MYO1C: variants seen among roughly 807,000 people sequenced by gnomAD.
MYO1C encodes the protein unconventional myosin-Ic.
A neutral mutation model predicts 150.8 loss-of-function variants in MYO1C; 104 were observed. The ratio of observed to expected loss-of-function variants is 0.69; its 90% CI spans 0.59 to 0.81. MYO1C has a LOEUF of 0.81. Ranked by LOEUF, MYO1C falls within the 30% of genes least tolerant of loss-of-function variation. The pLI is 0.00. For synonymous variants in MYO1C, 663 were observed against 579.9 expected (o/e 1.14, Z -2.06); for missense variants, 1,504 against 1,435.0 (o/e 1.05, Z -0.78).
chr17:1,483,100 A>G (rs369739553), intron 3 of MYO1C, 41 bp from the exon 4 acceptor site: 770 of 1,544,124 alleles, frequency 5.0e-4, no homozygotes, highest in Middle Eastern at 4.1e-3. Flanking sequence ...GAGGGGGGCC[A>G]AGCAGAGCCC....
At position 1,464,394 on chromosome 17, in the gene MYO1C, CAG is replaced by C. The variant is rs2074130747; in HGVS notation, c.*1330_*1331del. 1.3e-5 allele frequency: 2 copies of C among 152,770 alleles called. No homozygotes were observed. Among genetic ancestry groups the C allele is most frequent in the South Asian group, 4.1e-4 (2 of 4,830 alleles). 9.5% of individuals were successfully genotyped at this position (152,770 alleles called of 1,614,324 possible). A position where few individuals can be genotyped will look rare whatever the true frequency, so the allele number is the denominator to read the frequency against. On this transcript the variant is annotated 3_prime_UTR_variant, in exon 32 of 32. Coordinates refer to ENST00000648651, the MANE Select transcript of MYO1C (RefSeq NM_001080779.2). The stretch of plus-strand genomic sequence containing the variant: ...CCACGCTCCCATGCCAGGGAGGGGT[CAG>C]GGGCCAGAAAAGGCCCTACATCCTT...
chr17:1,489,693 AC>A (rs2074707467), intron 1 of MYO1C, among the ~76,000 whole-genome samples: 1 of 152,100 alleles, frequency 6.6e-6, no homozygotes. Context: ...AAACAAAGAA[AC>A]AAAGCAATAA....
At position 1,465,719 on chromosome 17, in the gene MYO1C, G is replaced by T. The variant is rs548792139; in HGVS notation, c.*7C>A. On this transcript the variant is annotated 3_prime_UTR_variant, in exon 32 of 32. Transcript: ENST00000648651. The stretch of plus-strand genomic sequence containing the variant: ...TGGGCGTTGGGAGGGTCCAGTGGGC[G>T]CCTTTATCACCGAGAATTCAGCCGT... 6 of 1,325,180 alleles carry T rather than the reference G, an allele frequency of 4.5e-6. No homozygotes were observed. In the African/African-American group the frequency reaches 7.5e-5, roughly 17 times the overall value. The allele number at this position is 1,325,180 out of a possible 1,614,324, so 82.1% of individuals were successfully genotyped here.
rs895460858 is a variant in MYO1C, at chr17:1,479,042, C to T, written c.1093-307G>A. 1.3e-5 allele frequency among the ~76,000 whole-genome samples: 2 copies of T among 152,134 alleles called. No individual in the cohort carries two copies. The highest frequency in any genetic ancestry group is 4.8e-5 in the African/African-American group (2 of 41,440). ...CTGCTTCTTTTTTTTGAGACAGAGTCTAGCTCTGTTGCCGTGATCTCGGCT... is the reference window on the plus strand; with the variant it reads ...CTGCTTCTTTTTTTTGAGACAGAGTTTAGCTCTGTTGCCGTGATCTCGGCT... On this transcript the variant is annotated intron_variant, in intron 9 of 31. Transcript: ENST00000648651. The surrounding 1 kb of genome is among the most constrained non-coding windows in gnomAD (Gnocchi z 4.2).
Position 1,477,827 on chromosome 17 carries a change from G to A in MYO1C, c.1482+64C>T, listed in dbSNP as rs556082986. 5.9e-5 allele frequency: 86 copies of A among 1,459,872 alleles called. No individual in the cohort carries two copies. In the Admixed American group the frequency reaches 7.0e-4, roughly 12 times the overall value. 90.4% of individuals were successfully genotyped at this position (1,459,872 alleles called of 1,614,324 possible). A position where few individuals can be genotyped will look rare whatever the true frequency, so the allele number is the denominator to read the frequency against. Reference sequence around the variant, plus strand: ...CTCCGTGGACCAGCCTGGAGAGAACGGAGAAGGGGGACATCCTCCCACCCA... The same window carrying A: ...CTCCGTGGACCAGCCTGGAGAGAACAGAGAAGGGGGACATCCTCCCACCCA... On this transcript the variant is annotated intron_variant, in intron 13 of 31. Transcript: ENST00000648651.
intron 30 of MYO1C, 48 bp downstream of exon 30, chr17:1,467,432 G>A (rs758449621): frequency 6.5e-5 from 104 of 1,601,546 alleles, no homozygotes; most frequent in Non-Finnish European, 8.7e-5. Flanking sequence ...TGCCCACACA[G>A]CCCCCTCGCC....
In MYO1C at chr17:1,467,559, T is replaced by C; in HGVS notation, c.2986A>G (p.Ser996Gly). ...GTCAGCGTCTCAATCACGTGGTCAC[T>C]CTGCAGCACCACATCTCCCTGGGGG... ...NKQKGDVVLQSDHVIETLTKT... is the reference protein window; with the variant it reads ...NKQKGDVVLQGDHVIETLTKT... The change falls in exon 30 of 32, where the codon AGT becomes GGT. Residue 996 changes from serine to glycine, a missense_variant. Coordinates refer to ENST00000648651, the MANE Select transcript of MYO1C (RefSeq NM_001080779.2). 1.2e-6 allele frequency: 2 copies of C among 1,613,316 alleles called. No homozygotes were observed. The highest frequency in any genetic ancestry group is 1.7e-6 in the Non-Finnish European group (2 of 1,179,898).
intron 25 of MYO1C, 31 bp downstream of exon 25, chr17:1,469,500 C>T (rs1343815776): frequency 2.6e-6 from 4 of 1,553,952 alleles, no homozygotes; most frequent in Admixed American, 1.8e-5. Flanking sequence ...GACTCCACTT[C>T]CTCATCCTCA....
chr17:1,467,647 A>G (rs1351720949), intron 29 of MYO1C, 70 bp from the exon 30 acceptor site: 2 of 661,860 alleles, frequency 3.0e-6, no homozygotes, highest in African/African-American at 1.0e-4. Flanking sequence ...CCACCTCCCC[A>G]TCCACCTCCT....
intron 14 of MYO1C, among the ~76,000 whole-genome samples, chr17:1,476,093 A>C (rs887343066): frequency 8.5e-5 from 13 of 152,170 alleles, no homozygotes; most frequent in African/African-American, 2.9e-4. Flanking sequence ...TTATTTTTAT[A>C]ATCAGGAACA....
chr17:1,478,637 G>C lies in MYO1C; in HGVS notation c.1191C>G (p.Ile397Met), dbSNP rs753471375. The C allele has an allele frequency of 4.3e-6, 7 of 1,613,998 alleles. No individual in the cohort carries two copies. Among genetic ancestry groups the C allele is most frequent in the Non-Finnish European group, 5.1e-6 (6 of 1,180,026 alleles). The part of the protein sequence containing the change: ...SRTFTWLVGK[I>M]NRSLASKDVE... ...TCACCTTGGAGGCCAGCGACCTGTT[G>C]ATCTTCCCGACGAGCCAGGTAAAAG... Residue 397 changes from isoleucine (I) to methionine (M), a missense_variant, in exon 10 of 32, where the codon ATC becomes ATG. Transcript: ENST00000648651. This position sits in a 1 kb window ranked among gnomAD's most constrained non-coding sequence, Gnocchi z 6.3.
rs1382205561 is a variant in MYO1C at position 1,482,390 on chromosome 17, C to A, written c.627+88G>T. ...TTGTTTGACTGCTGGAATTGCAGCA[C>A]CTGGAATAGTCCCTGGTACCCAGTA... On this transcript the variant is annotated intron_variant, in intron 5 of 31. Coordinates refer to ENST00000648651, the MANE Select transcript of MYO1C (RefSeq NM_001080779.2). 6 of 1,201,802 alleles carry A rather than the reference C, an allele frequency of 5.0e-6. No individual in the cohort carries two copies. The African/African-American group carries it at 7.5e-5, about 15-fold the overall frequency. The allele number at this position is 1,201,802 out of a possible 1,614,324, so 74.4% of individuals were successfully genotyped here. A position where few individuals can be genotyped will look rare whatever the true frequency, so the allele number is the denominator to read the frequency against.
At chr17:1,484,442 C>CG (rs1237995752) in intron 1 of MYO1C, 139 bp from the exon 2 acceptor site, 1 of 1,074,032 alleles carries the variant, frequency 9.3e-7, no homozygotes, top group Non-Finnish European at 1.4e-6. Context: ...ATGACGGGTG[C>CG]GGGGGGCCTG....
At position 1,470,656 on chromosome 17, in the gene MYO1C, T is replaced by C. The variant is rs1372288354; in HGVS notation, c.2246A>G (p.His749Arg). ...TKIQAAWRGFHWRQKFLRVKR... is the reference protein window; with the variant it reads ...TKIQAAWRGFRWRQKFLRVKR... ...CACCCGGAGGAATTTCTGCCGCCAG[T>C]GAAAGCCCCTCCAGGCAGCTTGGAT... Residue 749 changes from histidine (H) to arginine (R), a missense_variant, in exon 22 of 32, where the codon CAC (histidine) becomes CGC (arginine). Transcript: ENST00000648651. The C allele has an allele frequency of 3.1e-6, 5 of 1,609,912 alleles. No homozygotes were observed. Among genetic ancestry groups the C allele is most frequent in the Non-Finnish European group, 4.2e-6 (5 of 1,179,724 alleles).
At position 1,484,158 on chromosome 17, in the gene MYO1C, T is replaced by G. The variant is rs763986396; in HGVS notation, c.221A>C (p.Asn74Thr). ...IENLRRRFRE[N>T]LIYTYIGPVL... ...CCACAAGGGCCTCACGTAGATGAGA[T>G]TCTCCCGAAATCGCCGCCGCAGGTT... Residue 74 changes from asparagine (N) to threonine (T), a missense_variant, in exon 2 of 32, where the codon AAT becomes ACT. Transcript: ENST00000648651. The G allele has an allele frequency of 6.2e-7, 1 of 1,613,016 alleles. No individual in the cohort carries two copies. Among genetic ancestry groups the G allele is most frequent in the Middle Eastern group, 1.6e-4 (1 of 6,062 alleles).
At chr17:1,482,189 G>GAC (rs1229016945) in intron 5 of MYO1C, among the ~76,000 whole-genome samples, 2 of 152,144 alleles carry the variant, frequency 1.3e-5, no homozygotes, top group Non-Finnish European at 2.9e-5. Flanking sequence ...TGGGACAACA[G>GAC]ACATGTGCCA....
In MYO1C at chr17:1,468,071, C is replaced by G; in HGVS notation, c.2813G>C (p.Arg938Pro). 1 of 1,613,318 alleles carries G rather than the reference C, an allele frequency of 6.2e-7. No individual in the cohort carries two copies. Among genetic ancestry groups the G allele is most frequent in the Non-Finnish European group, 8.5e-7 (1 of 1,179,934 alleles). Reference sequence around the variant, plus strand: ...GGCGTTGGGCGTGAGCAGCAGCTGCCGGGAGCGAGGCTTGTAGCCCTTGCG... The same window carrying G: ...GGCGTTGGGCGTGAGCAGCAGCTGCGGGGAGCGAGGCTTGTAGCCCTTGCG... ...YDRKGYKPRS[R>P]QLLLTPNAVV... The change falls in exon 28 of 32, where the codon CGG becomes CCG. Residue 938 changes from arginine (R) to proline (P), a missense_variant. Coordinates refer to ENST00000648651, the MANE Select transcript of MYO1C (RefSeq NM_001080779.2).
Position 1,471,497 on chromosome 17 carries a change from G to C in MYO1C, c.2022-161C>G, listed in dbSNP as rs548329552. Among the ~76,000 whole-genome samples the C allele has an allele frequency of 1.9e-3, 288 of 152,162 alleles. 1 individual carries two copies. The highest frequency in any genetic ancestry group is 6.7e-3 in the African/African-American group (277 of 41,482). On this transcript the variant is annotated intron_variant, in intron 19 of 31. Coordinates refer to ENST00000648651, the MANE Select transcript of MYO1C (RefSeq NM_001080779.2). ...CCCCCATTTTAAAGATGAAGAAACC[G>C]TTCTTATCTACCTAAGGCCAAGTAA... is the stretch of plus-strand genomic sequence containing the variant.
chr17:1,492,404 C>G lies in MYO1C; in HGVS notation c.75+9G>C. The G allele has an allele frequency of 6.3e-7, 1 of 1,599,442 alleles. No homozygotes were observed. The highest frequency in any genetic ancestry group is 1.1e-5 in the South Asian group (1 of 88,666). On this transcript the variant is annotated intron_variant, in intron 1 of 31. Coordinates refer to ENST00000648651, the MANE Select transcript of MYO1C (RefSeq NM_001080779.2). Reference sequence around the variant, plus strand: ...CACCCTCCTCCCAGCCCAGAGCATCCCAGCTTACAAGCTTGCAGGGCCTGT... The same window carrying G: ...CACCCTCCTCCCAGCCCAGAGCATCGCAGCTTACAAGCTTGCAGGGCCTGT...
Sources: allele counts gnomAD v4.1 joint callset (sites outside exome capture counted in the v4.1 genomes callset), GRCh38; gene constraint gnomAD v4.1.1; non-coding constraint Gnocchi (gnomAD v3.1); transcripts MANE v1.5; gene names NCBI Gene and HGNC (gene_info 2026-07-23, HGNC 2026-07-21).